The following FMNL2 variants were observed in gnomAD, a reference collection of about 807,000 sequenced individuals.
FMNL2 encodes formin-like protein 2.
Under a neutral mutation model 130.2 loss-of-function variants are expected in FMNL2, and 51 were observed. The ratio of observed to expected loss-of-function variants is 0.39; its 90% CI spans 0.31 to 0.49. The LOEUF is 0.49. Among genes scored for constraint, FMNL2 ranks in the 20% least tolerant of loss-of-function variants. The pLI, the probability that FMNL2 is intolerant of heterozygous loss-of-function variation, is 0.85. For missense variants in FMNL2, 977 were observed against 1,316.2 expected (o/e 0.74, Z 3.99); for synonymous variants, 465 against 467.1 (o/e 1.00, Z 0.06).
chr2:152,625,665 T>G, intron 16 of FMNL2, 103 bp downstream of exon 16: 1 of 1,332,250 alleles, frequency 7.5e-7, no homozygotes, highest in Non-Finnish European at 1.0e-6. Context: ...TACTAGTGTT[T>G]TAAGTCCCCT....
intron 9 of FMNL2, among the ~76,000 whole-genome samples, chr2:152,589,940 C>CTT (rs1697295370): frequency 1.5e-5 from 1 of 67,042 alleles, no homozygotes. Flanking sequence ...TGGCTTTATA[C>CTT]ATATATATAT....
At chr2:152,389,508 G>A (rs919223236) in intron 1 of FMNL2, among the ~76,000 whole-genome samples, 6 of 152,176 alleles carry the variant, frequency 3.9e-5, no homozygotes, top group African/African-American at 1.4e-4. Flanking sequence ...TATGGCAGTG[G>A]GAGATACTTT....
intron 1 of FMNL2, among the ~76,000 whole-genome samples, chr2:152,505,561 A>C (rs1465165681): frequency 6.6e-6 from 1 of 152,232 alleles, no homozygotes; most frequent in African/African-American, 2.4e-5. Context: ...GGTTATCAAC[A>C]ACTTAGTAAA....
chr2:152,349,353 G>C (rs761617980), intron 1 of FMNL2, among the ~76,000 whole-genome samples: 2 of 152,146 alleles, frequency 1.3e-5, no homozygotes, highest in African/African-American at 2.4e-5. Flanking sequence ...CTTTTCCAGG[G>C]AGGTATTGTC....
At chr2:152,393,311 TA>T (rs2105935465) in intron 1 of FMNL2, among the ~76,000 whole-genome samples, 1 of 152,346 alleles carries the variant, frequency 6.6e-6, no homozygotes, top group Admixed American at 6.5e-5. Context: ...CCATGACTCT[TA>T]AAACAGAGGG....
In FMNL2 at chr2:152,649,223, A is replaced by G. The variant is rs1178330733; in HGVS notation, c.*1318A>G. 1 of 152,562 alleles carries G rather than the reference A, an allele frequency of 6.6e-6. No homozygotes were observed. The highest frequency in any genetic ancestry group is 1.5e-5 in the Non-Finnish European group (1 of 68,016). The allele number at this position is 152,562 out of a possible 1,614,324, so 9.5% of individuals were successfully genotyped here. ...GGATGTGTAGTTATATGATCTTTTT[A>G]AATGTACAGATATTTTGCTATAAAA... On this transcript the variant is annotated 3_prime_UTR_variant, in exon 26 of 26. Transcript: ENST00000288670.
At chr2:152,368,808 G>A (rs1001672869) in intron 1 of FMNL2, among the ~76,000 whole-genome samples, 2 of 152,324 alleles carry the variant, frequency 1.3e-5, no homozygotes, top group Admixed American at 6.5e-5. Flanking sequence ...TTTGGGATGT[G>A]AAGGAGAATT....
At chr2:152,559,309 G>A (rs1369660281) in intron 5 of FMNL2, among the ~76,000 whole-genome samples, 1 of 152,084 alleles carries the variant, frequency 6.6e-6, no homozygotes, top group African/African-American at 2.4e-5. Context: ...TCCTTGATAT[G>A]CATTTGTATT....
At chr2:152,532,770 G>A (rs921425630) in intron 2 of FMNL2, among the ~76,000 whole-genome samples, 1 of 151,868 alleles carries the variant, frequency 6.6e-6, no homozygotes, top group Non-Finnish European at 1.5e-5. Flanking sequence ...ACCATGCCCA[G>A]CTAATTTTCG....
chr2:152,639,387 G>A (rs1221000623), intron 23 of FMNL2, among the ~76,000 whole-genome samples: 15 of 152,160 alleles, frequency 9.9e-5, no homozygotes, highest in South Asian at 4.1e-4. Context: ...CGGGGAGGCC[G>A]GCTTCAAAAG....
chr2:152,353,870 A>T (rs577414694), intron 1 of FMNL2, among the ~76,000 whole-genome samples: 1 of 148,634 alleles, frequency 6.7e-6, no homozygotes. Context: ...TTAAATCATC[A>T]TCAACCTCAA....
intron 1 of FMNL2, among the ~76,000 whole-genome samples, chr2:152,381,330 G>A (rs970657799): frequency 3.9e-5 from 6 of 152,060 alleles, no homozygotes; most frequent in African/African-American, 1.4e-4. Flanking sequence ...TGGTGTCCAG[G>A]GTTTCCCTGA....
chr2:152,453,700 A>C (rs1049019091), intron 1 of FMNL2, among the ~76,000 whole-genome samples: 1 of 152,186 alleles, frequency 6.6e-6, no homozygotes, highest in Admixed American at 6.5e-5. Flanking sequence ...AAGGTTATTG[A>C]CTAATTTAGA....
At chr2:152,550,232 G>A (rs547559339) in intron 4 of FMNL2, among the ~76,000 whole-genome samples, 1 of 152,308 alleles carries the variant, frequency 6.6e-6, no homozygotes, top group South Asian at 2.1e-4. Flanking sequence ...AATTAGCATA[G>A]TTATTTCAAA....
At chr2:152,500,043 T>A (rs941318977) in intron 1 of FMNL2, among the ~76,000 whole-genome samples, 1 of 152,166 alleles carries the variant, frequency 6.6e-6, no homozygotes, top group African/African-American at 2.4e-5. Flanking sequence ...GAAGCAATGC[T>A]GGGTTTACTT....
At chr2:152,627,234 G>A (rs189329274) in intron 17 of FMNL2, among the ~76,000 whole-genome samples, 11 of 152,236 alleles carry the variant, frequency 7.2e-5, no homozygotes, top group East Asian at 1.9e-4. Context: ...ATTTTAATTC[G>A]TAACAACAGG....
At chr2:152,488,802 G>C (rs1177230276) in intron 1 of FMNL2, among the ~76,000 whole-genome samples, 1 of 152,228 alleles carries the variant, frequency 6.6e-6, no homozygotes, top group Non-Finnish European at 1.5e-5. Context: ...CACAAGCCAG[G>C]TGTGGTGGCT....
intron 1 of FMNL2, among the ~76,000 whole-genome samples, chr2:152,356,238 T>G (rs1307422415): frequency 1.3e-5 from 2 of 152,220 alleles, no homozygotes; most frequent in African/African-American, 4.8e-5. Flanking sequence ...CAATTCTGTC[T>G]CAGCCTTCCG....
At chr2:152,479,718 GTTTTTTT>G (rs749726414) in intron 1 of FMNL2, among the ~76,000 whole-genome samples, 1 of 96,734 alleles carries the variant, frequency 1.0e-5, no homozygotes, top group Non-Finnish European at 2.1e-5. Flanking sequence ...GTTGTGGGTT[GTTTTTTT>G]TTTTTTTTTT....
Sources: gnomAD v4.1 joint callset for allele counts (sites outside exome capture counted in the v4.1 genomes callset) on GRCh38, gnomAD v4.1.1 for gene constraint, MANE v1.5 for transcripts, NCBI Gene and HGNC (gene_info 2026-07-23, HGNC 2026-07-21) for gene names.